ASTN1: variants seen among roughly 807,000 people sequenced by gnomAD.
ASTN1 encodes astrotactin-1.
Under a neutral mutation model 140.7 loss-of-function variants are expected in ASTN1, and 41 were observed. The observed-to-expected ratio is 0.29, with a 90% CI of 0.23 to 0.38. The LOEUF is 0.38. Among genes scored for constraint, ASTN1 ranks in the 10% least tolerant of loss-of-function variants. The pLI is 1.00. For synonymous variants in ASTN1, 640 were observed against 652.2 expected, an observed-to-expected ratio of 0.98 and a Z score of 0.29; for missense variants, 1,479 against 1,678.8, an observed-to-expected ratio of 0.88 and a Z score of 2.08.
intron 16 of ASTN1, among the ~76,000 whole-genome samples, chr1:176,919,884 G>C (rs1404224579): frequency 6.6e-6 from 1 of 152,240 alleles, no homozygotes; most frequent in East Asian, 1.9e-4. Flanking sequence ...TCAGGGGAGT[G>C]CCAGCTGTGG....
In ASTN1 at chr1:177,035,179, G is replaced by T. The variant is rs1676652488; in HGVS notation, c.472-2330C>A. 2.0e-5 allele frequency among the ~76,000 whole-genome samples: 3 copies of T among 152,126 alleles called. No homozygotes were observed. In the South Asian group the frequency reaches 6.2e-4, roughly 32 times the overall value. ...ATGAGGCGCAGAGGTTAAATAACTTGCCCAACGTCACACAGCAAATGAGGA... is the reference window on the plus strand; with the variant it reads ...ATGAGGCGCAGAGGTTAAATAACTTTCCCAACGTCACACAGCAAATGAGGA... On this transcript the variant is annotated intron_variant, in intron 2 of 22. Coordinates refer to ENST00000361833, the MANE Select transcript of ASTN1 (RefSeq NM_004319.3).
intron 8 of ASTN1, among the ~76,000 whole-genome samples, chr1:176,984,874 C>T (rs1426833856): frequency 6.6e-6 from 1 of 152,170 alleles, no homozygotes; most frequent in Non-Finnish European, 1.5e-5. Flanking sequence ...TCTGCTCACA[C>T]TTGCCTGAAT....
At position 176,861,418 on chromosome 1, in the gene ASTN1, C is replaced by T; in HGVS notation, c.*2866G>A. The T allele has an allele frequency of 7.1e-6, 7 of 985,774 alleles. No homozygotes were observed. The highest frequency in any genetic ancestry group is 7.2e-6 in the Non-Finnish European group (6 of 829,926). 61.1% of individuals were successfully genotyped at this position (985,774 alleles called of 1,614,324 possible). A position where few individuals can be genotyped will look rare whatever the true frequency, so the allele number is the denominator to read the frequency against. ...GAGAGTGTTGGTGGGATATAAGCAC[C>T]TCCCTTAAGACCTGTTTGGCAGCTT... On this transcript the variant is annotated 3_prime_UTR_variant, in exon 23 of 23. Coordinates refer to ENST00000361833, the MANE Select transcript of ASTN1 (RefSeq NM_004319.3).
intron 2 of ASTN1, among the ~76,000 whole-genome samples, chr1:177,059,200 T>A (rs1677956364): frequency 6.6e-6 from 1 of 152,198 alleles, no homozygotes; most frequent in South Asian, 2.1e-4. Context: ...CACCATTGCA[T>A]CCCACACTGA....
intron 1 of ASTN1, among the ~76,000 whole-genome samples, chr1:177,083,303 C>A (rs1299208705): frequency 6.6e-6 from 1 of 152,104 alleles, no homozygotes; most frequent in South Asian, 2.1e-4. Context: ...CACACAAATT[C>A]AACACTAGTG....
intron 1 of ASTN1, among the ~76,000 whole-genome samples, chr1:177,096,081 C>T (rs2102117101): frequency 6.6e-6 from 1 of 152,246 alleles, no homozygotes; most frequent in East Asian, 1.9e-4. Context: ...ATTCTTCTTC[C>T]CTATCTATTT....
At chr1:176,982,583 T>C (rs1446292178) in intron 8 of ASTN1, among the ~76,000 whole-genome samples, 2 of 152,126 alleles carry the variant, frequency 1.3e-5, no homozygotes, top group African/African-American at 4.8e-5. Context: ...TAACAAGTTC[T>C]CCGGTGATGC....
chr1:176,883,108 CTAGAG>C, intron 19 of ASTN1, 114 bp from the exon 20 acceptor site: 1 of 1,415,570 alleles, frequency 7.1e-7, no homozygotes, highest in South Asian at 1.3e-5. Flanking sequence ...TCCTCAATCT[CTAGAG>C]TAGAGAAGGA....
chr1:177,089,545 C>T, intron 1 of ASTN1, among the ~76,000 whole-genome samples: 1 of 152,140 alleles, frequency 6.6e-6, no homozygotes, highest in East Asian at 1.9e-4. Context: ...AAACTAGAAA[C>T]CTTATGCCAG....
At chr1:176,892,273 T>G (rs1477429081) in intron 17 of ASTN1, among the ~76,000 whole-genome samples, 3 of 152,232 alleles carry the variant, frequency 2.0e-5, no homozygotes, top group Non-Finnish European at 2.9e-5. Flanking sequence ...GATATATAAT[T>G]CTGGGTGGTC....
intron 8 of ASTN1, among the ~76,000 whole-genome samples, chr1:177,002,380 C>CAA (rs1674772149): frequency 1.6e-4 from 1 of 6,406 alleles, no homozygotes; most frequent in Admixed American, 1.4e-3. Context: ...CACACAAACA[C>CAA]ACACACACAC....
chr1:177,161,525 G>A (rs537832860), intron 1 of ASTN1, among the ~76,000 whole-genome samples: 15 of 152,304 alleles, frequency 9.8e-5, no homozygotes, highest in African/African-American at 2.6e-4. Context: ...GGTTTAGAAG[G>A]AAGAATGGAT....
chr1:176,911,395 A>G (rs1005780906), intron 16 of ASTN1, among the ~76,000 whole-genome samples: 1 of 152,166 alleles, frequency 6.6e-6, no homozygotes, highest in Admixed American at 6.5e-5. Context: ...TAAGTTTTTT[A>G]CTTCATAAAC....
intron 17 of ASTN1, 60 bp downstream of exon 17, chr1:176,894,502 T>G: frequency 6.4e-7 from 1 of 1,572,698 alleles, no homozygotes; most frequent in African/African-American, 1.4e-5. Flanking sequence ...CCTCACACCA[T>G]TTGGAAAGCC....
intron 22 of ASTN1, among the ~76,000 whole-genome samples, chr1:176,868,340 C>T (rs1179649704): frequency 6.6e-6 from 1 of 152,192 alleles, no homozygotes; most frequent in Non-Finnish European, 1.5e-5. Context: ...AGTTAGCACA[C>T]ACTATGCGAC....
In ASTN1 at chr1:177,002,819, C is replaced by CT. The variant is rs921976726; in HGVS notation, c.1523+11971dup. Among the ~76,000 whole-genome samples, 17 of 152,058 alleles carry CT rather than the reference C, an allele frequency of 1.1e-4. 2 individuals carry two copies. Among genetic ancestry groups the CT allele is most frequent in the Admixed American group, 7.9e-4 (12 of 15,276 alleles). The stretch of plus-strand genomic sequence containing the variant: ...GAAATAAATATAATTAATTACTCAC[C>CT]TTTTTTTAAAATATCCAGTTCGACC... On this transcript the variant is annotated intron_variant, in intron 8 of 22. Transcript: ENST00000361833.
chr1:177,145,798 A>G (rs184688128), intron 1 of ASTN1, among the ~76,000 whole-genome samples: 55 of 152,332 alleles, frequency 3.6e-4, no homozygotes, highest in South Asian at 1.5e-3. Context: ...ATAGAGATAT[A>G]AACCAAGTGC....
intron 15 of ASTN1, among the ~76,000 whole-genome samples, chr1:176,934,887 C>T (rs1000392635): frequency 2.6e-5 from 4 of 151,964 alleles, no homozygotes; most frequent in East Asian, 1.9e-4. Context: ...TGCCTTCAGA[C>T]GTAGACATGG....
chr1:176,920,784 T>A (rs2103072800), intron 16 of ASTN1, among the ~76,000 whole-genome samples: 1 of 152,344 alleles, frequency 6.6e-6, no homozygotes, highest in Admixed American at 6.5e-5. Flanking sequence ...TATTAACCAC[T>A]GCATTCCTAG....
Sources: allele counts gnomAD v4.1 joint callset (sites outside exome capture counted in the v4.1 genomes callset), GRCh38; gene constraint gnomAD v4.1.1; transcripts MANE v1.5; gene names NCBI Gene and HGNC (gene_info 2026-07-23, HGNC 2026-07-21).